PTCHD4: variants seen among roughly 807,000 people sequenced by gnomAD.
PTCHD4 encodes patched domain-containing protein 4.
Under a neutral mutation model 58.1 loss-of-function variants are expected in PTCHD4, and 33 were observed. The ratio of observed to expected loss-of-function variants is 0.57; its 90% confidence interval spans 0.43 to 0.76. The LOEUF is 0.76. Among genes scored for constraint, PTCHD4 ranks in the 30% least tolerant of loss-of-function variants. The pLI, the probability that PTCHD4 is intolerant of heterozygous loss-of-function variation, is 0.00. For synonymous variants in PTCHD4, 478 were observed against 409.6 expected (o/e 1.17, Z -2.02); for missense variants, 1,058 against 1,027.1 (o/e 1.03, Z -0.41).
rs919110909 is a variant in PTCHD4, at chr6:47,862,874, C to A, written c.*15429G>T. On this transcript the variant is annotated 3_prime_UTR_variant, in exon 5 of 5. Coordinates refer to ENST00000339488, the MANE Select transcript of PTCHD4 (RefSeq NM_001384253.1). ...ATGTTTGCTTCCTGGAACACTAGTT[C>A]TTTAAGATGCTCCATGAACATAATG... Among the ~76,000 whole-genome samples, 22 of 151,856 alleles carry A rather than the reference C, an allele frequency of 1.4e-4. No homozygotes were observed. Among genetic ancestry groups the A allele is most frequent in the African/African-American group, 5.3e-4 (22 of 41,402 alleles).
At chr6:48,035,788 T>C (rs115084555) in intron 3 of PTCHD4, among the ~76,000 whole-genome samples, 1,701 of 152,302 alleles carry the variant, frequency 0.011, 37 homozygotes, top group African/African-American at 0.037. Context: ...AGGAATCCTG[T>C]CAGCTCAGTT....
intron 3 of PTCHD4, among the ~76,000 whole-genome samples, chr6:48,043,715 C>T (rs1205259802): frequency 6.6e-6 from 1 of 151,786 alleles, no homozygotes; most frequent in Admixed American, 6.6e-5. Flanking sequence ...AGGTGCCAAG[C>T]TCATTGCAAT....
intron 3 of PTCHD4, among the ~76,000 whole-genome samples, chr6:48,012,865 T>C (rs920567963): frequency 6.6e-6 from 1 of 152,212 alleles, no homozygotes; most frequent in African/African-American, 2.4e-5. Context: ...GTTTAAGTGA[T>C]GGATTACATT....
chr6:47,903,240 T>C (rs1764769107), intron 4 of PTCHD4, among the ~76,000 whole-genome samples: 1 of 152,200 alleles, frequency 6.6e-6, no homozygotes, highest in Non-Finnish European at 1.5e-5. Flanking sequence ...CTTGTGATAG[T>C]ATCTTCGTTC....
intron 4 of PTCHD4, among the ~76,000 whole-genome samples, chr6:47,936,174 C>A (rs1280978074): frequency 1.3e-5 from 2 of 152,102 alleles, no homozygotes; most frequent in Non-Finnish European, 2.9e-5. Flanking sequence ...CTATTGCAGT[C>A]GACTAGGTGA....
chr6:47,871,110 A>G lies in PTCHD4; in HGVS notation c.*7193T>C, dbSNP rs1763702853. On this transcript the variant is annotated 3_prime_UTR_variant, in exon 5 of 5. Coordinates refer to ENST00000339488, the MANE Select transcript of PTCHD4 (RefSeq NM_001384253.1). ...TTTTGTTTTAGGAAAGAAAATAAAA[A>G]TGCTCAACTTTTACTCTCATTTCTA... Among the ~76,000 whole-genome samples, 1 of 151,668 alleles carries G rather than the reference A, an allele frequency of 6.6e-6. No individual in the cohort carries two copies. Among genetic ancestry groups the G allele is most frequent in the African/African-American group, 2.4e-5 (1 of 41,386 alleles).
chr6:47,970,787 C>T (rs1304348171), intron 4 of PTCHD4, among the ~76,000 whole-genome samples: 1 of 152,140 alleles, frequency 6.6e-6, no homozygotes, highest in African/African-American at 2.4e-5. Context: ...TGATTGTGGC[C>T]TCAGGCCCAG....
chr6:47,943,624 GT>G (rs1354034422), intron 4 of PTCHD4, among the ~76,000 whole-genome samples: 1 of 151,980 alleles, frequency 6.6e-6, no homozygotes, highest in Non-Finnish European at 1.5e-5. Flanking sequence ...CCTGCTGCTT[GT>G]TTTTGTAAAC....
At chr6:48,053,703 A>G (rs1261908813) in intron 3 of PTCHD4, among the ~76,000 whole-genome samples, 1 of 152,136 alleles carries the variant, frequency 6.6e-6, no homozygotes, top group Non-Finnish European at 1.5e-5. Flanking sequence ...TATTTTCCCA[A>G]TGATAAGCAA....
At chr6:47,932,606 G>A (rs1356065344) in intron 4 of PTCHD4, among the ~76,000 whole-genome samples, 1 of 152,194 alleles carries the variant, frequency 6.6e-6, no homozygotes, top group East Asian at 1.9e-4. Flanking sequence ...GTTTTATCAG[G>A]CTACATCTCA....
At chr6:48,107,704 G>C (rs1389071036) in intron 1 of PTCHD4, among the ~76,000 whole-genome samples, 7 of 152,042 alleles carry the variant, frequency 4.6e-5, no homozygotes, top group Non-Finnish European at 1.0e-4. Context: ...CTACTCATCT[G>C]ACAAAGGGCT....
chr6:47,968,835 T>C (rs1767397212), intron 4 of PTCHD4, among the ~76,000 whole-genome samples: 1 of 152,016 alleles, frequency 6.6e-6, no homozygotes, highest in African/African-American at 2.4e-5. Flanking sequence ...AAGAGGAAAA[T>C]GCTATATGAT....
At chr6:47,908,123 C>T (rs1764958377) in intron 4 of PTCHD4, among the ~76,000 whole-genome samples, 2 of 152,098 alleles carry the variant, frequency 1.3e-5, no homozygotes, top group Admixed American at 1.3e-4. Flanking sequence ...CCAAAAAGCA[C>T]TGCAAAGGCT....
At chr6:48,016,653 G>A (rs1009849496) in intron 3 of PTCHD4, among the ~76,000 whole-genome samples, 1 of 151,906 alleles carries the variant, frequency 6.6e-6, no homozygotes, top group African/African-American at 2.4e-5. Flanking sequence ...TCTTGGGTTC[G>A]AAAGCTCTTA....
chr6:48,088,959 CG>C (rs1338832150), intron 1 of PTCHD4, among the ~76,000 whole-genome samples: 1 of 152,056 alleles, frequency 6.6e-6, no homozygotes, highest in African/African-American at 2.4e-5. Context: ...GCAAGAGAAT[CG>C]CTTGAACCCA....
Position 47,868,142 on chromosome 6 carries a change from CCTT to C in PTCHD4, c.*10158_*10160del, listed in dbSNP as rs1405369445. 6.6e-6 allele frequency among the ~76,000 whole-genome samples: 1 copy of C among 151,566 alleles called. No individual in the cohort carries two copies. The highest frequency in any genetic ancestry group is 2.4e-5 in the African/African-American group (1 of 41,352). On this transcript the variant is annotated 3_prime_UTR_variant, in exon 5 of 5. Coordinates refer to ENST00000339488, the MANE Select transcript of PTCHD4 (RefSeq NM_001384253.1). Reference sequence around the variant, plus strand: ...AAGGTTTCAGTTCAGTTGTTTAGTCCCTTCTTCAACAGTTTTAGATCCGTTTTA... The same window carrying C: ...AAGGTTTCAGTTCAGTTGTTTAGTCCCTTCAACAGTTTTAGATCCGTTTTA...
intron 1 of PTCHD4, among the ~76,000 whole-genome samples, chr6:48,100,703 A>G (rs1433192744): frequency 6.6e-6 from 1 of 152,218 alleles, no homozygotes; most frequent in East Asian, 1.9e-4. Context: ...GATGCTATTT[A>G]AGCCCTGATA....
rs754365576 is a variant in PTCHD4 at position 48,068,442 on chromosome 6, G to T, written c.205C>A (p.Arg69Ser). ...NRFQPEGDLE[R>S]LVAPSHSLAK... ...AGGCTGTGGCTGGGAGCGACCAGGCGCTCCAGGTCGCCCTCGGGCTGGAAG... is the reference window on the plus strand; with the variant it reads ...AGGCTGTGGCTGGGAGCGACCAGGCTCTCCAGGTCGCCCTCGGGCTGGAAG... Residue 69 changes from arginine (R) to serine (S), a missense_variant, in exon 3 of 5, where the codon CGC becomes AGC. Physicochemically the swap from Arg to Ser is moderately radical, Grantham distance 110. Transcript: ENST00000339488. The surrounding 1 kb of genome is among the most constrained non-coding windows in gnomAD (Gnocchi z 4.2). 1.2e-6 allele frequency: 2 copies of T among 1,613,850 alleles called. No homozygotes were observed. Among genetic ancestry groups the T allele is most frequent in the Admixed American group, 3.3e-5 (2 of 60,008 alleles).
intron 4 of PTCHD4, among the ~76,000 whole-genome samples, chr6:47,887,181 C>T (rs893381876): frequency 2.7e-5 from 4 of 149,984 alleles, no homozygotes; most frequent in African/African-American, 9.8e-5. Context: ...ACTAGATTAA[C>T]AATAATAGGT....
Sources: allele counts gnomAD v4.1 joint callset (sites outside exome capture counted in the v4.1 genomes callset), GRCh38; gene constraint gnomAD v4.1.1; non-coding constraint Gnocchi (gnomAD v3.1); transcripts MANE v1.5; gene names NCBI Gene and HGNC (gene_info 2026-07-23, HGNC 2026-07-21).